The following C14orf39 variants were observed in gnomAD, a reference collection of about 807,000 sequenced individuals.
C14orf39 encodes chromosome 14 open reading frame 39.
In C14orf39, 66 loss-of-function variants were observed where a neutral mutation model predicts 85.6. The ratio of observed to expected loss-of-function variants is 0.77; its 90% CI spans 0.63 to 0.95. The LOEUF (loss-of-function observed/expected upper bound fraction) is 0.95, where lower values mean the gene tolerates loss of function less well. Ranked by LOEUF, C14orf39 falls within the 40% of genes least tolerant of loss-of-function variation. The pLI is 0.00. For missense variants in C14orf39, 735 were observed against 663.9 expected (o/e 1.11, Z -1.18); for synonymous variants, 242 against 214.0 (o/e 1.13, Z -1.14).
intron 1 of C14orf39, among the ~76,000 whole-genome samples, chr14:60,507,644 C>A (rs901786730): frequency 3.9e-5 from 6 of 152,128 alleles, no homozygotes; most frequent in African/African-American, 1.4e-4. Context: ...TCCGTCAGAA[C>A]GAGCTTTGCC....
At chr14:60,485,533 AAC>A (rs1372734719) in intron 1 of C14orf39, among the ~76,000 whole-genome samples, 1 of 152,230 alleles carries the variant, frequency 6.6e-6, no homozygotes, top group African/African-American at 2.4e-5. Flanking sequence ...AACCTAGAGA[AAC>A]AGTGCGATTT....
chr14:60,508,844 CT>C (rs1247616563), intron 1 of C14orf39: 1 of 159,280 alleles, frequency 6.3e-6, no homozygotes, highest in East Asian at 2.0e-4. Flanking sequence ...TCCTGAATTC[CT>C]GTGGCATCAC....
chr14:60,509,637 C>T, intron 1 of C14orf39: 1 of 1,613,890 alleles, frequency 6.2e-7, no homozygotes, highest in Non-Finnish European at 8.5e-7. Flanking sequence ...CACAAGTTCA[C>T]CAAGGAGTCG....
intron 2 of C14orf39, among the ~76,000 whole-genome samples, chr14:60,497,349 T>A (rs1324054451): frequency 6.7e-6 from 1 of 149,096 alleles, no homozygotes; most frequent in Non-Finnish European, 1.5e-5. Flanking sequence ...TAAATATCTA[T>A]CTCATCCACT....
intron 7 of C14orf39, 87 bp from the exon 8 acceptor site, chr14:60,469,740 CATCA>C: frequency 1.6e-6 from 1 of 616,194 alleles, no homozygotes; most frequent in Non-Finnish European, 2.4e-6. Context: ...TATTATGTGA[CATCA>C]TTTATATGTA....
chr14:60,485,268 C>T (rs557257785), intron 1 of C14orf39, among the ~76,000 whole-genome samples, 182 bp from the exon 2 acceptor site: 7 of 152,336 alleles, frequency 4.6e-5, no homozygotes, highest in African/African-American at 1.7e-4. Context: ...CCGGGCCAAG[C>T]CCAACGAGCG....
At chr14:60,473,809 T>C (rs1347202108) in intron 5 of C14orf39, among the ~76,000 whole-genome samples, 2 of 152,176 alleles carry the variant, frequency 1.3e-5, no homozygotes, top group Non-Finnish European at 2.9e-5. Flanking sequence ...GCTGTAGCCT[T>C]GTAGTATAGT....
chr14:60,498,068 C>T (rs1170878319), intron 2 of C14orf39, among the ~76,000 whole-genome samples: 3 of 152,110 alleles, frequency 2.0e-5, no homozygotes, highest in African/African-American at 7.2e-5. Flanking sequence ...ACTTGCACCA[C>T]ATTTCTAAGT....
intron 16 of C14orf39, among the ~76,000 whole-genome samples, chr14:60,446,350 A>T (rs1409156335): frequency 6.6e-6 from 1 of 152,204 alleles, no homozygotes; most frequent in African/African-American, 2.4e-5. Flanking sequence ...AGATGCAATA[A>T]AAAATGTTAA....
At chr14:60,509,474 G>T (rs753530432) in intron 1 of C14orf39, 3 of 1,601,056 alleles carry the variant, frequency 1.9e-6, no homozygotes, top group Non-Finnish European at 2.5e-6. Context: ...AGAGAGCGGC[G>T]ATGTGGAGCG....
chr14:60,477,981 C>T, intron 5 of C14orf39, among the ~76,000 whole-genome samples: 1 of 151,828 alleles, frequency 6.6e-6, no homozygotes, highest in Admixed American at 6.6e-5. Context: ...AGATCGAGAC[C>T]ATCCTGGCTA....
At chr14:60,466,338 C>T (rs960866024) in intron 10 of C14orf39, among the ~76,000 whole-genome samples, 3 of 151,858 alleles carry the variant, frequency 2.0e-5, no homozygotes, top group Non-Finnish European at 1.5e-5. Flanking sequence ...ACAAAGAAAC[C>T]AGCCAATGTA....
chr14:60,484,938 CTAAAA>C lies in C14orf39; in HGVS notation c.50-6_50-2del. On this transcript the variant is annotated splice_acceptor_variant and splice_polypyrimidine_tract_variant and intron_variant, in intron 2 of 17. Coordinates refer to ENST00000321731, the MANE Select transcript of C14orf39 (RefSeq NM_174978.3). LOFTEE classifies it high-confidence loss of function. The surrounding 1 kb of genome is among the most constrained non-coding windows in gnomAD (Gnocchi z 4.2). ...CTTATGTCTTGCTCATACTGGAAGA[CTAAAA>C]TAAATAATTATCTTGTGACTTCAAT... 6.3e-7 allele frequency: 1 copy of C among 1,575,348 alleles called. No individual in the cohort carries two copies. The highest frequency in any genetic ancestry group is 1.2e-5 in the South Asian group (1 of 85,646).
In C14orf39 at chr14:60,483,000, T is replaced by C. The variant is rs144483689; in HGVS notation, c.233+691A>G. Among the ~76,000 whole-genome samples the C allele has an allele frequency of 6.9e-3, 1,049 of 152,004 alleles. 12 individuals carry two copies. The highest frequency in any genetic ancestry group is 0.024 in the African/African-American group (981 of 41,466). On this transcript the variant is annotated intron_variant, in intron 4 of 17. Coordinates refer to ENST00000321731, the MANE Select transcript of C14orf39 (RefSeq NM_174978.3). ...GGATGACAGGGTAGGGGACGGGAAC[T>C]GCAAGCAGGGAAAAACTATTTGCAC... is the stretch of plus-strand genomic sequence containing the variant.
chr14:60,509,894 G>A (rs779887646), intron 1 of C14orf39: 2 of 1,612,822 alleles, frequency 1.2e-6, no homozygotes, highest in Non-Finnish European at 8.5e-7. Context: ...CCAGGCAACC[G>A]GACTGACCCC....
chr14:60,511,530 CCTT>C (rs1893294491), intron 1 of C14orf39: 2 of 565,130 alleles, frequency 3.5e-6, no homozygotes, highest in Non-Finnish European at 6.3e-6. Context: ...TGCAAAGTCT[CCTT>C]CGGAACCCGA....
chr14:60,447,541 A>G (rs924397761), intron 16 of C14orf39, among the ~76,000 whole-genome samples: 9 of 152,226 alleles, frequency 5.9e-5, no homozygotes, highest in African/African-American at 2.2e-4. Context: ...ATGAAATAAA[A>G]GAGGACACAA....
chr14:60,440,016 C>T (rs556067458), intron 17 of C14orf39, among the ~76,000 whole-genome samples: 20 of 151,948 alleles, frequency 1.3e-4, no homozygotes, highest in African/African-American at 4.6e-4. Context: ...CGGAGGTTGC[C>T]GTGAGCCGAG....
intron 10 of C14orf39, 44 bp downstream of exon 10, chr14:60,466,873 T>G (rs562112323): frequency 7.0e-7 from 1 of 1,420,938 alleles, no homozygotes; most frequent in African/African-American, 1.5e-5. Context: ...TTCTGTGTGT[T>G]TGCAAAAAAA....
Sources: gnomAD v4.1 joint callset for allele counts (sites outside exome capture counted in the v4.1 genomes callset) on GRCh38, gnomAD v4.1.1 for gene constraint, Gnocchi (gnomAD v3.1) non-coding constraint, MANE v1.5 for transcripts, NCBI Gene and HGNC (gene_info 2026-07-23, HGNC 2026-07-21) for gene names.